Variants in CFH observed in about 807,000 individuals in gnomAD.
The protein encoded by CFH is H factor 1 (complement).
In CFH, 53 loss-of-function variants were observed where a neutral mutation model predicts 147.3. That is an observed-to-expected ratio of 0.36 (90% CI 0.29 to 0.45). The LOEUF (loss-of-function observed/expected upper bound fraction) is 0.45, where lower values mean the gene tolerates loss of function less well. Ranked by LOEUF, CFH falls within the 20% of genes least tolerant of loss-of-function variation. CFH has a pLI of 1.00. For missense variants in CFH, 1,380 were observed against 1,498.0 expected (o/e 0.92, Z 1.30); for synonymous variants, 536 against 489.4 (o/e 1.10, Z -1.26).
At chr1:196,666,625 C>T (rs956925635) in intron 1 of CFH, among the ~76,000 whole-genome samples, 13 of 147,448 alleles carry the variant, frequency 8.8e-5, no homozygotes, top group African/African-American at 1.8e-4. Context: ...GGTGAAACAC[C>T]GTTTCTACTA....
intron 1 of CFH, among the ~76,000 whole-genome samples, chr1:196,662,390 T>TA (rs1666939219): frequency 2.0e-5 from 3 of 152,230 alleles, no homozygotes; most frequent in Admixed American, 2.0e-4. Flanking sequence ...TACATGTTTG[T>TA]ATTTAAAACC....
chr1:196,676,250 C>T (rs563849113), intron 4 of CFH, among the ~76,000 whole-genome samples, 185 bp downstream of exon 4: 8 of 151,488 alleles, frequency 5.3e-5, no homozygotes, highest in South Asian at 2.1e-4. Flanking sequence ...AAGCCAAAAA[C>T]GAATGCAGCC....
At chr1:196,712,662 A>T (rs911351878) in intron 9 of CFH, among the ~76,000 whole-genome samples, 2 of 151,416 alleles carry the variant, frequency 1.3e-5, no homozygotes, top group Non-Finnish European at 2.9e-5. Flanking sequence ...CATGTGCACA[A>T]TGTGCAGGTT....
Position 196,704,240 on chromosome 1 carries a change from G to A in CFH, c.1337-9495G>A, listed in dbSNP as rs539190857. 5.3e-5 allele frequency among the ~76,000 whole-genome samples: 8 copies of A among 151,958 alleles called. No homozygotes were observed. In the East Asian group the frequency reaches 5.9e-4, roughly 11 times the overall value. On this transcript the variant is annotated intron_variant, in intron 9 of 21. Transcript: ENST00000367429. ...CTCCCGAGTAGCTGGGATTACAGGC[G>A]TGTGCCACCACAGCCAGCTAATTTT...
At chr1:196,700,353 A>T (rs1668413478) in intron 9 of CFH, among the ~76,000 whole-genome samples, 1 of 152,142 alleles carries the variant, frequency 6.6e-6, no homozygotes, top group South Asian at 2.1e-4. Context: ...TTACAATCTT[A>T]TAAAAATTCA....
rs1237469450 is a variant in CFH at position 196,677,454 on chromosome 1, A to G, written c.428-22A>G. ...TAAACTTTTAAAATTCCATTAGAAA[A>G]CATTACATGTATTTTCTTCAGTTGT... On this transcript the variant is annotated intron_variant, in intron 4 of 21. Coordinates refer to ENST00000367429, the MANE Select transcript of CFH (RefSeq NM_000186.4). 3 of 1,607,492 alleles carry G rather than the reference A, an allele frequency of 1.9e-6. No homozygotes were observed. In the African/African-American group the frequency reaches 4.0e-5, roughly 22 times the overall value.
At chr1:196,685,424 A>C (rs1381678899) in intron 7 of CFH, among the ~76,000 whole-genome samples, 187 bp downstream of exon 7, 2 of 152,106 alleles carry the variant, frequency 1.3e-5, no homozygotes. Context: ...TTAAATGTGT[A>C]TGTGTGTTTA....
At chr1:196,691,459 A>G (rs1668021670) in intron 9 of CFH, among the ~76,000 whole-genome samples, 1 of 152,012 alleles carries the variant, frequency 6.6e-6, no homozygotes, top group South Asian at 2.1e-4. Context: ...ATATTTACAA[A>G]TTGAATGGCT....
At chr1:196,697,417 A>G (rs1188917937) in intron 9 of CFH, among the ~76,000 whole-genome samples, 1 of 152,252 alleles carries the variant, frequency 6.6e-6, no homozygotes, top group Non-Finnish European at 1.5e-5. Flanking sequence ...GCTCAGCATC[A>G]CTGGTCATTA....
chr1:196,725,190 T>G lies in CFH; in HGVS notation c.1766T>G (p.Val589Gly). 6.2e-7 allele frequency: 1 copy of G among 1,613,836 alleles called. No individual in the cohort carries two copies. The change falls in exon 12 of 22, where the codon GTT becomes GGT. Residue 589 changes from valine (V) to glycine (G), a missense_variant. Physicochemically the swap from Val to Gly is moderately radical, Grantham distance 109. This residue lies in a region of CFH where 830 missense variants were observed against 821.4 expected (regional missense o/e 1.01). Coordinates refer to ENST00000367429, the MANE Select transcript of CFH (RefSeq NM_000186.4). ...GATCGCAAGAAAGACCAGTATAAAG[T>G]TGGAGAGGTGTTGAAATTCTCCTGC... ...VPDRKKDQYK[V>G]GEVLKFSCKP...
intron 9 of CFH, among the ~76,000 whole-genome samples, chr1:196,705,896 C>T (rs1668573066): frequency 6.6e-6 from 1 of 152,128 alleles, no homozygotes; most frequent in African/African-American, 2.4e-5. Flanking sequence ...ACTTTGAGAG[C>T]TGTTTCTGCT....
At chr1:196,737,164 T>C (rs1427837563) in intron 16 of CFH, among the ~76,000 whole-genome samples, 158 bp downstream of exon 16, 1 of 152,130 alleles carries the variant, frequency 6.6e-6, no homozygotes, top group Non-Finnish European at 1.5e-5. Flanking sequence ...CACCACTCTT[T>C]CAGTTTTTTG....
At chr1:196,734,429 C>G (rs551892741) in intron 15 of CFH, among the ~76,000 whole-genome samples, 1 of 152,128 alleles carries the variant, frequency 6.6e-6, no homozygotes, top group Non-Finnish European at 1.5e-5. Context: ...TTGCAGGTAT[C>G]GTTAAGTGCT....
At chr1:196,736,765 T>A in intron 15 of CFH, 59 bp from the exon 16 acceptor site, 1 of 888,784 alleles carries the variant, frequency 1.1e-6, no homozygotes, top group East Asian at 4.3e-5. Context: ...ATTCTAATTT[T>A]AATATTTTTA....
rs189176093 is a variant in CFH, at chr1:196,667,217, G to A, written c.59-5761G>A. 2.0e-3 allele frequency among the ~76,000 whole-genome samples: 307 copies of A among 152,224 alleles called. 2 individuals are homozygous for A. Among genetic ancestry groups the A allele is most frequent in the Non-Finnish European group, 1.3e-3 (91 of 67,996 alleles). On this transcript the variant is annotated intron_variant, in intron 1 of 21. Transcript: ENST00000367429. Reference sequence around the variant, plus strand: ...ACCAACTATTTTTTAAAAGGAAAGGGAACAACCATGATTTGTAAAATTTGC... The same window carrying A: ...ACCAACTATTTTTTAAAAGGAAAGGAAACAACCATGATTTGTAAAATTTGC...
Position 196,742,064 on chromosome 1 carries a change from A to G in CFH, c.3133+13A>G, listed in dbSNP as rs1652826158. ...CCAACATGCAGAGGTACTTTGGTGAATTTTCAAAATTTATTTATATAATGT... is the reference window on the plus strand; with the variant it reads ...CCAACATGCAGAGGTACTTTGGTGAGTTTTCAAAATTTATTTATATAATGT... On this transcript the variant is annotated intron_variant, in intron 19 of 21. Transcript: ENST00000367429. 6.2e-7 allele frequency: 1 copy of G among 1,613,276 alleles called. No individual in the cohort carries two copies. The highest frequency in any genetic ancestry group is 8.5e-7 in the Non-Finnish European group (1 of 1,179,456).
chr1:196,681,633 A>G (rs994320058), intron 6 of CFH, among the ~76,000 whole-genome samples: 1 of 151,832 alleles, frequency 6.6e-6, no homozygotes, highest in African/African-American at 2.4e-5. Context: ...AGAGATACCA[A>G]GAGAAGGCAC....
At chr1:196,704,162 C>T (rs988966911) in intron 9 of CFH, among the ~76,000 whole-genome samples, 1 of 152,020 alleles carries the variant, frequency 6.6e-6, no homozygotes, top group African/African-American at 2.4e-5. Context: ...ACTGCAACCT[C>T]TGGCTCACTG....
chr1:196,715,898 A>G (rs577280998), intron 11 of CFH, 129 bp downstream of exon 11: 58 of 765,842 alleles, frequency 7.6e-5, no homozygotes, highest in Non-Finnish European at 1.2e-4. Flanking sequence ...TCCTGATTTG[A>G]CATAAACTGG....
Sources: allele counts gnomAD v4.1 joint callset (sites outside exome capture counted in the v4.1 genomes callset), GRCh38; gene constraint gnomAD v4.1.1; regional missense constraint gnomAD v4.1.1; transcripts MANE v1.5; gene names NCBI Gene and HGNC (gene_info 2026-07-23, HGNC 2026-07-21).